Variants in EPB41L2 observed in about 807,000 individuals in gnomAD.
EPB41L2 encodes erythrocyte membrane protein band 4.1 like 2.
A neutral mutation model predicts 113.0 loss-of-function variants in EPB41L2; 43 were observed. That is an observed-to-expected ratio of 0.38 (90% confidence interval 0.30 to 0.49). EPB41L2 has a LOEUF of 0.49. Ranked by LOEUF, EPB41L2 falls within the 20% of genes least tolerant of loss-of-function variation. The pLI is 0.95. For missense variants in EPB41L2, 1,147 were observed against 1,223.4 expected, an observed-to-expected ratio of 0.94 and a Z score of 0.93; for synonymous variants, 442 against 436.7, an observed-to-expected ratio of 1.01 and a Z score of -0.15.
chr6:130,892,304 G>A (rs1364134950), intron 10 of EPB41L2, among the ~76,000 whole-genome samples: 1 of 122,396 alleles, frequency 8.2e-6, no homozygotes, highest in African/African-American at 2.6e-5. Flanking sequence ...TCTTGCCTAG[G>A]GCGAGAAATA....
chr6:130,909,909 C>A (rs2128513238), intron 4 of EPB41L2, among the ~76,000 whole-genome samples: 1 of 152,326 alleles, frequency 6.6e-6, no homozygotes, highest in East Asian at 1.9e-4. Context: ...ACATCCCATG[C>A]TCATGGATAG....
chr6:130,890,404 T>C lies in EPB41L2; in HGVS notation c.1550A>G (p.Tyr517Cys). The C allele has an allele frequency of 1.2e-6, 2 of 1,611,696 alleles. No individual in the cohort carries two copies. Among genetic ancestry groups the C allele is most frequent in the Non-Finnish European group, 1.7e-6 (2 of 1,179,742 alleles). ...KFLTLGSKFR[Y>C]SGRTQAQTRQ... Reference sequence around the variant, plus strand: ...GGTCTGTGCTTGGGTGCGGCCACTATAGCGAAATTTGGACCCCAAGGTCAG... The same window carrying C: ...GGTCTGTGCTTGGGTGCGGCCACTACAGCGAAATTTGGACCCCAAGGTCAG... The change falls in exon 11 of 20, where the codon TAT becomes TGT. Residue 517 changes from tyrosine to cysteine, a missense_variant. Transcript: ENST00000337057.
At chr6:130,948,545 C>A (rs1290849954) in intron 3 of EPB41L2, among the ~76,000 whole-genome samples, 1 of 152,074 alleles carries the variant, frequency 6.6e-6, no homozygotes, top group Non-Finnish European at 1.5e-5. Flanking sequence ...GAAAAATAGA[C>A]AATCCAAAAT....
intron 16 of EPB41L2, 34 bp downstream of exon 16, chr6:130,867,425 G>C (rs1299813449): frequency 5.9e-5 from 95 of 1,605,590 alleles, no homozygotes; most frequent in Non-Finnish European, 7.7e-5. Context: ...AGGGAAAAAA[G>C]AGCTCGAACA....
chr6:131,022,112 C>T (rs746474336), intron 1 of EPB41L2, among the ~76,000 whole-genome samples: 12 of 152,092 alleles, frequency 7.9e-5, no homozygotes, highest in South Asian at 2.1e-4. Context: ...AGTCCCATCA[C>T]GGGGGTGATG....
At chr6:131,046,479 T>C (rs559334373) in intron 1 of EPB41L2, among the ~76,000 whole-genome samples, 9 of 152,308 alleles carry the variant, frequency 5.9e-5, no homozygotes, top group African/African-American at 1.9e-4. Context: ...ACCTCATTTG[T>C]TGAAATTCCG....
intron 3 of EPB41L2, among the ~76,000 whole-genome samples, chr6:130,927,205 T>C (rs1805056803): frequency 6.6e-6 from 1 of 152,192 alleles, no homozygotes. Context: ...ATATGAGCTA[T>C]GCTCCTATTT....
chr6:130,887,913 G>A (rs958723420), intron 11 of EPB41L2, among the ~76,000 whole-genome samples: 2 of 152,022 alleles, frequency 1.3e-5, no homozygotes, highest in East Asian at 1.9e-4. Context: ...TTCTAATCTC[G>A]GAGGGGACTC....
At chr6:130,945,998 A>G (rs2128597872) in intron 3 of EPB41L2, among the ~76,000 whole-genome samples, 1 of 152,334 alleles carries the variant, frequency 6.6e-6, no homozygotes, top group East Asian at 1.9e-4. Context: ...AGGTTGGCAC[A>G]TACCATTTAA....
intron 1 of EPB41L2, among the ~76,000 whole-genome samples, chr6:131,037,622 T>G (rs1378728973): frequency 1.5e-5 from 2 of 136,536 alleles, no homozygotes; most frequent in Non-Finnish European, 1.5e-5. Flanking sequence ...GAAGTCTCAC[T>G]CTGTTGCACA....
At chr6:131,049,863 A>T (rs1305189261) in intron 1 of EPB41L2, among the ~76,000 whole-genome samples, 3 of 152,210 alleles carry the variant, frequency 2.0e-5, no homozygotes, top group Admixed American at 6.5e-5. Flanking sequence ...AACTTGGCAG[A>T]CTTCCTGAGT....
intron 18 of EPB41L2, among the ~76,000 whole-genome samples, chr6:130,861,953 C>T (rs1782255728): frequency 6.6e-6 from 1 of 151,858 alleles, no homozygotes; most frequent in African/African-American, 2.4e-5. Context: ...GATATCTGAC[C>T]TCAGTTTTAG....
chr6:130,845,299 C>A (rs530940305), intron 19 of EPB41L2, among the ~76,000 whole-genome samples: 1 of 152,276 alleles, frequency 6.6e-6, no homozygotes, highest in African/African-American at 2.4e-5. Flanking sequence ...ATGGTGTAAA[C>A]AAATAATGGT....
chr6:131,040,801 C>CA (rs562507877), intron 1 of EPB41L2, among the ~76,000 whole-genome samples: 89 of 152,166 alleles, frequency 5.8e-4, no homozygotes, highest in Middle Eastern at 6.8e-3. Flanking sequence ...ATACCCTTAC[C>CA]AAAAATGTTT....
intron 12 of EPB41L2, among the ~76,000 whole-genome samples, chr6:130,884,101 G>C (rs1367719519): frequency 2.0e-5 from 3 of 152,174 alleles, no homozygotes; most frequent in Non-Finnish European, 4.4e-5. Flanking sequence ...TTGGGAAGCT[G>C]AGGCAGGTGG....
At chr6:130,947,302 T>C (rs923756116) in intron 3 of EPB41L2, among the ~76,000 whole-genome samples, 3 of 152,176 alleles carry the variant, frequency 2.0e-5, no homozygotes, top group African/African-American at 7.2e-5. Flanking sequence ...CTCTCCATTG[T>C]TGTAAACACC....
intron 4 of EPB41L2, 94 bp downstream of exon 4, chr6:130,926,506 CTAAGT>C: frequency 1.1e-6 from 1 of 871,656 alleles, no homozygotes; most frequent in Non-Finnish European, 1.8e-6. Flanking sequence ...TAATAAACAC[CTAAGT>C]TATTTTAAAG....
In EPB41L2 at chr6:130,989,229, G is replaced by A. The variant is rs143065002; in HGVS notation, c.-14-32730C>T. ...GTGGACACATGTGATAACTGCCTTAGGTACACACACCTAATACATACTCTT... is the reference window on the plus strand; with the variant it reads ...GTGGACACATGTGATAACTGCCTTAAGTACACACACCTAATACATACTCTT... On this transcript the variant is annotated intron_variant, in intron 1 of 19. Coordinates refer to ENST00000337057, the MANE Select transcript of EPB41L2 (RefSeq NM_001431.4). Among the ~76,000 whole-genome samples the A allele has an allele frequency of 3.0e-3, 454 of 152,266 alleles. 7 individuals are homozygous for A. Among genetic ancestry groups the A allele is most frequent in the Admixed American group, 0.027 (415 of 15,294 alleles).
At chr6:130,946,909 A>T (rs1342036892) in intron 3 of EPB41L2, among the ~76,000 whole-genome samples, 1 of 152,068 alleles carries the variant, frequency 6.6e-6, no homozygotes, top group Non-Finnish European at 1.5e-5. Context: ...GATAGGTAAC[A>T]AGAACAGGAA....
Sources: gnomAD v4.1 joint callset for allele counts (sites outside exome capture counted in the v4.1 genomes callset) on GRCh38, gnomAD v4.1.1 for gene constraint, MANE v1.5 for transcripts, NCBI Gene and HGNC (gene_info 2026-07-23, HGNC 2026-07-21) for gene names.